RALGAPA2: variants seen among roughly 807,000 people sequenced by gnomAD.
The protein encoded by RALGAPA2 is ral GTPase-activating protein subunit alpha-2.
RALGAPA2 carries 139 observed loss-of-function variants against 230.4 expected under a neutral mutation model. The observed-to-expected ratio is 0.60, with a 90% CI of 0.53 to 0.69. The LOEUF (loss-of-function observed/expected upper bound fraction) is 0.69, where lower values mean the gene tolerates loss of function less well. Ranked by LOEUF, RALGAPA2 falls within the 30% of genes least tolerant of loss-of-function variation. The pLI is 0.00. For synonymous variants in RALGAPA2, 847 were observed against 837.8 expected, an observed-to-expected ratio of 1.01 and a Z score of -0.19; for missense variants, 2,163 against 2,276.0, an observed-to-expected ratio of 0.95 and a Z score of 1.01.
At chr20:20,654,830 A>G (rs1301388385) in intron 3 of RALGAPA2, among the ~76,000 whole-genome samples, 10 of 152,194 alleles carry the variant, frequency 6.6e-5, no homozygotes, top group African/African-American at 2.4e-5. Flanking sequence ...ATTATTCTCC[A>G]TAACGGCTGC....
chr20:20,396,609 C>G lies in RALGAPA2; in HGVS notation c.*35+86G>C, dbSNP rs571749203. 5.5e-6 allele frequency: 7 copies of G among 1,278,998 alleles called. No homozygotes were observed. The South Asian group carries it at 7.1e-5, about 13-fold the overall frequency. The allele number at this position is 1,278,998 out of a possible 1,614,324, so 79.2% of individuals were successfully genotyped here. On this transcript the variant is annotated intron_variant, in intron 39 of 39. Transcript: ENST00000202677. ...GGGCGAGGAGCACTGATGCAGGGTC[C>G]GCTACCGAGGGCAGCCGATTAGAAA...
chr20:20,524,639 G>A, intron 29 of RALGAPA2, 96 bp from the exon 30 acceptor site: 3 of 1,486,062 alleles, frequency 2.0e-6, no homozygotes, highest in Non-Finnish European at 2.8e-6. Context: ...AGTATTCAGT[G>A]GACATGCAGG....
At position 20,512,769 on chromosome 20, in the gene RALGAPA2, A is replaced by G; in HGVS notation, c.4600T>C (p.Cys1534Arg). The stretch of plus-strand genomic sequence containing the variant: ...AGATTTAGCTGTGACGGTAAAAGGC[A>G]TTCAGGACTTGTATGGCCAATGTTT... ...LENIGHTSPE[C>R]LLPSQLNLNE... The change falls in exon 32 of 40, where the codon TGC (cysteine) becomes CGC (arginine). Residue 1534 changes from cysteine to arginine, a missense_variant. Cys to Arg is a radical substitution (Grantham distance 180). Coordinates refer to ENST00000202677, the MANE Select transcript of RALGAPA2 (RefSeq NM_020343.4). 1 of 1,613,906 alleles carries G rather than the reference A, an allele frequency of 6.2e-7. No individual in the cohort carries two copies. Among genetic ancestry groups the G allele is most frequent in the Non-Finnish European group, 8.5e-7 (1 of 1,179,784 alleles).
At chr20:20,462,066 G>A (rs2123289834) in intron 37 of RALGAPA2, among the ~76,000 whole-genome samples, 1 of 152,256 alleles carries the variant, frequency 6.6e-6, no homozygotes, top group East Asian at 1.9e-4. Flanking sequence ...GGACCAAAGA[G>A]GAAGATTGAA....
In RALGAPA2 at chr20:20,505,503, T is replaced by G; in HGVS notation, c.4960A>C (p.Ile1654Leu). 1.9e-6 allele frequency: 3 copies of G among 1,601,826 alleles called. No homozygotes were observed. Among genetic ancestry groups the G allele is most frequent in the Non-Finnish European group, 1.7e-6 (2 of 1,174,032 alleles). ...RETHKIAVFY[I>L]AEGQEDKCSI... ...CACTTGTCTTCTTGACCTTCAGCAA[T>G]GTAAAACACTGCGATTTTGTGTGTC... is the stretch of plus-strand genomic sequence containing the variant. Residue 1654 changes from isoleucine (I) to leucine (L), a missense_variant, in exon 34 of 40, where the codon ATT becomes CTT. By Grantham distance (5) the Ile-to-Leu change is conservative (BLOSUM62 2). Coordinates refer to ENST00000202677, the MANE Select transcript of RALGAPA2 (RefSeq NM_020343.4).
intron 37 of RALGAPA2, among the ~76,000 whole-genome samples, chr20:20,422,658 T>C (rs901520402): frequency 5.9e-5 from 9 of 152,186 alleles, no homozygotes; most frequent in African/African-American, 2.2e-4. Flanking sequence ...AGATCTTCAC[T>C]GAACACATGA....
chr20:20,699,606 TA>T (rs1261415075), intron 1 of RALGAPA2, among the ~76,000 whole-genome samples: 2 of 152,156 alleles, frequency 1.3e-5, no homozygotes, highest in East Asian at 3.8e-4. Context: ...AGATTTCATT[TA>T]AAAATTTTTC....
intron 27 of RALGAPA2, 106 bp downstream of exon 27, chr20:20,531,581 C>A: frequency 2.1e-6 from 2 of 975,604 alleles, no homozygotes; most frequent in African/African-American, 1.6e-5. Context: ...GAATCACAAT[C>A]CCTCTGTCAT....
chr20:20,602,447 T>A (rs758327950), intron 15 of RALGAPA2, among the ~76,000 whole-genome samples: 1 of 152,240 alleles, frequency 6.6e-6, no homozygotes, highest in African/African-American at 2.4e-5. Flanking sequence ...GTTAATTATT[T>A]CAATGAGAGG....
At chr20:20,506,541 GTT>G (rs1032001182) in intron 33 of RALGAPA2, among the ~76,000 whole-genome samples, 1 of 152,092 alleles carries the variant, frequency 6.6e-6, no homozygotes, top group Non-Finnish European at 1.5e-5. Context: ...TCACCCAAGA[GTT>G]TTGGTTTTTT....
chr20:20,507,773 C>T (rs955065723), intron 33 of RALGAPA2, among the ~76,000 whole-genome samples: 4 of 152,168 alleles, frequency 2.6e-5, no homozygotes, highest in Non-Finnish European at 5.9e-5. Flanking sequence ...ACACCAATGG[C>T]GTAGAATCTA....
At chr20:20,441,771 G>A (rs914923840) in intron 37 of RALGAPA2, among the ~76,000 whole-genome samples, 62 of 152,324 alleles carry the variant, frequency 4.1e-4, no homozygotes, top group Admixed American at 4.0e-3. Flanking sequence ...TCCTAGGGAT[G>A]TAGTCTGAGC....
rs116841268 is a variant in RALGAPA2 at position 20,702,106 on chromosome 20, A to G, written c.106+10269T>C. 3.2e-3 allele frequency among the ~76,000 whole-genome samples: 491 copies of G among 152,278 alleles called. 14 individuals are homozygous for G. The highest frequency in any genetic ancestry group is 0.026 in the Admixed American group (404 of 15,286). On this transcript the variant is annotated intron_variant, in intron 1 of 39. Coordinates refer to ENST00000202677, the MANE Select transcript of RALGAPA2 (RefSeq NM_020343.4). ...GCATGGTGCAAAGCCAAAGGCCATT[A>G]ATACCAAACAAAAGCTACAAAGTGC...
chr20:20,419,883 T>C (rs1013535729), intron 37 of RALGAPA2, among the ~76,000 whole-genome samples: 5 of 152,178 alleles, frequency 3.3e-5, no homozygotes, highest in African/African-American at 1.2e-4. Flanking sequence ...TGCTAGGTAA[T>C]GGGCATGTAA....
At position 20,389,699 on chromosome 20, in the gene RALGAPA2, T is replaced by G. The variant is rs1329652920; in HGVS notation, c.*3590A>C. 1 of 150,304 alleles carries G rather than the reference T, an allele frequency of 6.7e-6. No homozygotes were observed. The highest frequency in any genetic ancestry group is 1.5e-5 in the Non-Finnish European group (1 of 67,726). The allele number at this position is 150,304 out of a possible 1,614,324, so 9.3% of individuals were successfully genotyped here. On this transcript the variant is annotated 3_prime_UTR_variant, in exon 40 of 40. Coordinates refer to ENST00000202677, the MANE Select transcript of RALGAPA2 (RefSeq NM_020343.4). ...AGAGTAAAAGAGGTTAACTGGAGAG[T>G]CGGGTGGCTGCCATCAGTGGAGATG...
rs989659902 is a variant in RALGAPA2 at position 20,444,940 on chromosome 20, T to C, written c.5495+27889A>G. 1.4e-4 allele frequency among the ~76,000 whole-genome samples: 22 copies of C among 152,338 alleles called. 1 individual carries two copies. Among genetic ancestry groups the C allele is most frequent in the Admixed American group, 1.2e-3 (19 of 15,296 alleles). On this transcript the variant is annotated intron_variant, in intron 37 of 39. Coordinates refer to ENST00000202677, the MANE Select transcript of RALGAPA2 (RefSeq NM_020343.4). ...GCATGCGCTGCCTATTAGTCACTTA[T>C]CAGATCAACAGCCACAGGATCACCT...
chr20:20,425,985 G>A (rs1191807992), intron 37 of RALGAPA2, among the ~76,000 whole-genome samples: 1 of 152,122 alleles, frequency 6.6e-6, no homozygotes, highest in Non-Finnish European at 1.5e-5. Flanking sequence ...CACAACAAAC[G>A]GCCCTGGAGC....
chr20:20,580,161 A>G (rs774568634), intron 20 of RALGAPA2, among the ~76,000 whole-genome samples: 1 of 152,072 alleles, frequency 6.6e-6, no homozygotes, highest in Non-Finnish European at 1.5e-5. Context: ...TTAGCTGTAG[A>G]CTCATAAATG....
chr20:20,456,787 C>T (rs1402907951), intron 37 of RALGAPA2, among the ~76,000 whole-genome samples: 1 of 152,166 alleles, frequency 6.6e-6, no homozygotes, highest in Non-Finnish European at 1.5e-5. Flanking sequence ...AGAAGAGCCT[C>T]CCTCCACCAT....
Sources: allele counts gnomAD v4.1 joint callset (sites outside exome capture counted in the v4.1 genomes callset), GRCh38; gene constraint gnomAD v4.1.1; transcripts MANE v1.5; gene names NCBI Gene and HGNC (gene_info 2026-07-23, HGNC 2026-07-21).